Variants in CMPK1 observed in about 807,000 individuals in gnomAD.
CMPK1 encodes the protein cytidine/uridine monophosphate kinase 1.
A neutral mutation model predicts 25.7 loss-of-function variants in CMPK1; 10 were observed. The observed-to-expected ratio is 0.39, with a 90% CI of 0.24 to 0.66. The LOEUF is 0.66. CMPK1 is among the 30% of genes least tolerant of loss of function. The probability of loss-of-function intolerance (pLI) is 0.48; values close to 1 mark genes in which losing one functional copy is unlikely to be tolerated. For synonymous variants in CMPK1, 106 were observed against 101.5 expected (o/e 1.04, Z -0.27); for missense variants, 199 against 280.5 (o/e 0.71, Z 2.08).
At chr1:47,335,801 G>A (rs1646394236) in intron 1 of CMPK1, among the ~76,000 whole-genome samples, 1 of 151,598 alleles carries the variant, frequency 6.6e-6, no homozygotes, top group Non-Finnish European at 1.5e-5. Context: ...GTCTCACTCC[G>A]TCACCAGGCT....
chr1:47,334,833 C>G (rs1557798253), intron 1 of CMPK1, among the ~76,000 whole-genome samples: 1 of 152,246 alleles, frequency 6.6e-6, no homozygotes, highest in Non-Finnish European at 1.5e-5. Flanking sequence ...CTTCCTGTCT[C>G]CCAGCCTCAG....
intron 5 of CMPK1, 93 bp downstream of exon 5, chr1:47,375,386 C>T: frequency 1.2e-6 from 1 of 817,438 alleles, no homozygotes. Flanking sequence ...AATACTATCA[C>T]AGATTAGTTA....
intron 1 of CMPK1, among the ~76,000 whole-genome samples, chr1:47,352,143 G>A (rs889889231): frequency 5.3e-5 from 8 of 151,942 alleles, no homozygotes; most frequent in Admixed American, 3.3e-4. Context: ...TCTCAAAAAA[G>A]TAAATAAATA....
chr1:47,341,692 G>A (rs987507757), intron 1 of CMPK1, among the ~76,000 whole-genome samples: 2 of 151,890 alleles, frequency 1.3e-5, no homozygotes, highest in African/African-American at 4.8e-5. Context: ...AGGTTGGAGT[G>A]CAATGGTGTG....
chr1:47,359,129 T>C (rs1347997886), intron 1 of CMPK1, among the ~76,000 whole-genome samples: 1 of 152,016 alleles, frequency 6.6e-6, no homozygotes, highest in Non-Finnish European at 1.5e-5. Flanking sequence ...CCATCCTGGC[T>C]AACATGGTGA....
intron 2 of CMPK1, 101 bp from the exon 3 acceptor site, chr1:47,372,854 G>C: frequency 1.3e-6 from 1 of 746,430 alleles, no homozygotes; most frequent in Non-Finnish European, 1.9e-6. Context: ...TTTACTTATG[G>C]TTTAAATAAT....
intron 2 of CMPK1, among the ~76,000 whole-genome samples, chr1:47,368,834 G>A (rs1557431506): frequency 6.6e-6 from 1 of 152,112 alleles, no homozygotes. Context: ...GGTGGCATAT[G>A]CCTGTAGTCC....
chr1:47,353,615 G>A (rs1646537304), intron 1 of CMPK1, among the ~76,000 whole-genome samples: 1 of 151,684 alleles, frequency 6.6e-6, no homozygotes, highest in African/African-American at 2.4e-5. Context: ...TTTTATATTG[G>A]GATTCTTATC....
At chr1:47,372,848 C>T in intron 2 of CMPK1, 107 bp from the exon 3 acceptor site, 2 of 681,912 alleles carry the variant, frequency 2.9e-6, no homozygotes, top group Admixed American at 3.9e-5. Flanking sequence ...CCACCCTTTA[C>T]TTATGGTTTA....
At chr1:47,351,403 T>C (rs1646521666) in intron 1 of CMPK1, among the ~76,000 whole-genome samples, 2 of 152,164 alleles carry the variant, frequency 1.3e-5, no homozygotes, top group South Asian at 4.1e-4. Flanking sequence ...GCTTCCTCCA[T>C]GTTAGCATGT....
At chr1:47,367,380 A>T (rs1292089242) in intron 1 of CMPK1, among the ~76,000 whole-genome samples, 2 of 152,256 alleles carry the variant, frequency 1.3e-5, no homozygotes, top group African/African-American at 4.8e-5. Context: ...TGAGAAAAGG[A>T]GTAAAGAATA....
At chr1:47,367,019 C>T (rs1455547569) in intron 1 of CMPK1, among the ~76,000 whole-genome samples, 1 of 152,248 alleles carries the variant, frequency 6.6e-6, no homozygotes, top group East Asian at 1.9e-4. Flanking sequence ...AGCCACCGCA[C>T]CCAGCCTTTT....
At chr1:47,364,450 A>T (rs1646625243) in intron 1 of CMPK1, among the ~76,000 whole-genome samples, 1 of 151,416 alleles carries the variant, frequency 6.6e-6, no homozygotes, top group South Asian at 2.1e-4. Flanking sequence ...CCCAAGTAGC[A>T]GGACTACAGG....
intron 1 of CMPK1, among the ~76,000 whole-genome samples, chr1:47,335,518 T>C (rs1327180221): frequency 6.7e-6 from 1 of 149,736 alleles, no homozygotes; most frequent in East Asian, 2.0e-4. Flanking sequence ...GCGCCTGTAA[T>C]CCCAGCTACT....
At chr1:47,346,943 C>G (rs957114811) in intron 1 of CMPK1, among the ~76,000 whole-genome samples, 1 of 151,612 alleles carries the variant, frequency 6.6e-6, no homozygotes, top group African/African-American at 2.4e-5. Context: ...GCCACCATAC[C>G]CGGCTAATTT....
At chr1:47,366,103 C>A (rs2820987) in intron 1 of CMPK1, among the ~76,000 whole-genome samples, 1 of 151,836 alleles carries the variant, frequency 6.6e-6, no homozygotes, top group South Asian at 2.1e-4. Flanking sequence ...CTGAGGCACG[C>A]GAATTGCTTG....
chr1:47,366,073 A>C (rs1646638090), intron 1 of CMPK1, among the ~76,000 whole-genome samples: 1 of 152,142 alleles, frequency 6.6e-6, no homozygotes, highest in Non-Finnish European at 1.5e-5. Context: ...GCACGCCTGT[A>C]ATCCCAGCTG....
intron 1 of CMPK1, chr1:47,358,305 AT>A (rs1646577433): frequency 3.3e-6 from 2 of 600,134 alleles, no homozygotes; most frequent in African/African-American, 3.8e-5. Context: ...TAGGGATGAC[AT>A]CTTGCTATGG....
chr1:47,373,075 T>C lies in CMPK1; in HGVS notation c.439T>C (p.Ser147Pro), dbSNP rs1243728313. 7 of 1,609,014 alleles carry C rather than the reference T, an allele frequency of 4.4e-6. No individual in the cohort carries two copies. The Admixed American group carries it at 1.2e-4, about 27-fold the overall frequency. Residue 147 changes from serine (S) to proline (P), a missense_variant, in exon 3 of 6, where the codon TCT becomes CCT. Transcript: ENST00000371873. ...NKTMDGKADV[S>P]FVLFFDCNNE... ...GACCATGGATGGGAAGGCAGATGTA[T>C]CTTTCGTTCTCTTTTTTGACTGTAA...
Sources: allele counts gnomAD v4.1 joint callset (sites outside exome capture counted in the v4.1 genomes callset), GRCh38; gene constraint gnomAD v4.1.1; transcripts MANE v1.5; gene names NCBI Gene and HGNC (gene_info 2026-07-23, HGNC 2026-07-21).